HACD2: variants seen among roughly 807,000 people sequenced by gnomAD.
HACD2 encodes the protein very-long-chain (3R)-3-hydroxyacyl-CoA dehydratase 2.
HACD2 carries 15 observed loss-of-function variants against 31.0 expected under a neutral mutation model. The ratio of observed to expected loss-of-function variants is 0.48; its 90% CI spans 0.32 to 0.75. The LOEUF (loss-of-function observed/expected upper bound fraction) is 0.75. Ranked by LOEUF, HACD2 falls within the 30% of genes least tolerant of loss-of-function variation. The pLI is 0.03. For synonymous variants in HACD2, 115 were observed against 122.2 expected (o/e 0.94, Z 0.39); for missense variants, 283 against 313.0 (o/e 0.90, Z 0.72).
intron 3 of HACD2, chr3:123,543,656 T>C (rs1377376560): frequency 1.2e-5 from 5 of 413,566 alleles, no homozygotes; most frequent in Admixed American, 3.1e-5. Flanking sequence ...AAAATGATTA[T>C]ATTAAAGGAA....
chr3:123,516,617 T>G (rs2056141452), intron 4 of HACD2, among the ~76,000 whole-genome samples: 1 of 152,216 alleles, frequency 6.6e-6, no homozygotes, highest in South Asian at 2.1e-4. Context: ...GAGAACTATT[T>G]TTTTGATGTG....
At chr3:123,501,693 G>C (rs1249271702) in intron 5 of HACD2, among the ~76,000 whole-genome samples, 1 of 152,206 alleles carries the variant, frequency 6.6e-6, no homozygotes, top group Non-Finnish European at 1.5e-5. Context: ...AGGGTAAAAA[G>C]CTTCCACAGT....
At chr3:123,536,269 A>G (rs1319855751) in intron 3 of HACD2, among the ~76,000 whole-genome samples, 2 of 152,214 alleles carry the variant, frequency 1.3e-5, no homozygotes, top group Admixed American at 6.5e-5. Context: ...CAAATCCTTA[A>G]ATTGTAGCTC....
At chr3:123,548,565 A>AACT (rs1053814911) in intron 3 of HACD2, among the ~76,000 whole-genome samples, 3 of 152,154 alleles carry the variant, frequency 2.0e-5, no homozygotes, top group Admixed American at 6.5e-5. Flanking sequence ...ATCAATAGAA[A>AACT]ACTACTACTA....
rs1380525753 is a variant in HACD2, at chr3:123,492,850, T to C, written c.*2038A>G. 6.6e-6 allele frequency: 1 copy of C among 152,176 alleles called. No individual in the cohort carries two copies. Among genetic ancestry groups the C allele is most frequent in the Non-Finnish European group, 1.5e-5 (1 of 68,020 alleles). 9.4% of individuals were successfully genotyped at this position (152,176 alleles called of 1,614,324 possible). ...ATTCTATTTTATAGTAGAAATACAT[T>C]ATGGAAGAATAAAATGAGAGAAAAG... On this transcript the variant is annotated 3_prime_UTR_variant, in exon 7 of 7. Coordinates refer to ENST00000383657, the MANE Select transcript of HACD2 (RefSeq NM_198402.5).
At position 123,504,192 on chromosome 3, in the gene HACD2, A is replaced by G. The variant is rs80036909; in HGVS notation, c.382-1511T>C. 9.7e-3 allele frequency among the ~76,000 whole-genome samples: 1,471 copies of G among 152,312 alleles called. 19 individuals are homozygous for G. The highest frequency in any genetic ancestry group is 0.033 in the African/African-American group (1,377 of 41,558). ...GAATCCATCTATAACAAAATATAAT[A>G]TAAATATAAAAGCACACTTTGCTTT... On this transcript the variant is annotated intron_variant, in intron 4 of 6. Coordinates refer to ENST00000383657, the MANE Select transcript of HACD2 (RefSeq NM_198402.5).
chr3:123,577,577 C>T (rs1231296585), intron 2 of HACD2, among the ~76,000 whole-genome samples: 1 of 148,428 alleles, frequency 6.7e-6, no homozygotes, highest in Admixed American at 6.7e-5. Flanking sequence ...GCCGAGATCG[C>T]GCCACTGCAC....
chr3:123,528,626 A>G (rs2056314092), intron 3 of HACD2, among the ~76,000 whole-genome samples, 152 bp from the exon 4 acceptor site: 1 of 152,212 alleles, frequency 6.6e-6, no homozygotes, highest in Non-Finnish European at 1.5e-5. Context: ...CTAAGTTTTC[A>G]ATGTAGTCCA....
intron 3 of HACD2, among the ~76,000 whole-genome samples, chr3:123,544,940 G>A (rs547902781): frequency 6.6e-6 from 1 of 151,028 alleles, no homozygotes; most frequent in Admixed American, 6.6e-5. Context: ...AGCATGTGGT[G>A]GTGCATGCTT....
At chr3:123,569,885 A>T (rs978129327) in intron 2 of HACD2, among the ~76,000 whole-genome samples, 7 of 151,142 alleles carry the variant, frequency 4.6e-5, no homozygotes, top group Admixed American at 4.0e-4. Flanking sequence ...GCTACTCAGA[A>T]GGCTGAGGCA....
chr3:123,577,055 G>A (rs968587379), intron 2 of HACD2, among the ~76,000 whole-genome samples: 9 of 152,112 alleles, frequency 5.9e-5, no homozygotes, highest in African/African-American at 1.2e-4. Context: ...TCCAGGACAC[G>A]ATCAGAAATG....
chr3:123,584,864 C>T lies in HACD2; in HGVS notation c.155+9G>A. ...GCTGGCTCCCCGCCTCCCCGAGCCC[C>T]AGCCTCACCCGGCTGTCATCACCAC... On this transcript the variant is annotated intron_variant, in intron 1 of 6. Coordinates refer to ENST00000383657, the MANE Select transcript of HACD2 (RefSeq NM_198402.5). 1 of 1,496,650 alleles carries T rather than the reference C, an allele frequency of 6.7e-7. No homozygotes were observed. Among genetic ancestry groups the T allele is most frequent in the Non-Finnish European group, 8.9e-7 (1 of 1,123,358 alleles). 92.7% of individuals were successfully genotyped at this position (1,496,650 alleles called of 1,614,324 possible). A position where few individuals can be genotyped will look rare whatever the true frequency, so the allele number is the denominator to read the frequency against.
intron 4 of HACD2, among the ~76,000 whole-genome samples, chr3:123,521,700 C>T (rs1245717951): frequency 1.3e-5 from 2 of 151,544 alleles, no homozygotes; most frequent in Non-Finnish European, 2.9e-5. Flanking sequence ...GGAGGTGAGC[C>T]CAGAGCAGAA....
At chr3:123,557,863 G>A (rs1409596953) in intron 3 of HACD2, among the ~76,000 whole-genome samples, 1 of 152,198 alleles carries the variant, frequency 6.6e-6, no homozygotes, top group African/African-American at 2.4e-5. Flanking sequence ...TTAGAAGACT[G>A]TTTGGCAGAT....
chr3:123,572,100 A>T (rs748695078), intron 2 of HACD2, among the ~76,000 whole-genome samples: 3 of 152,202 alleles, frequency 2.0e-5, no homozygotes, highest in Non-Finnish European at 4.4e-5. Context: ...GAAGTGGTGA[A>T]GTGAAGTGGT....
At chr3:123,500,964 A>T (rs1442303682) in intron 5 of HACD2, among the ~76,000 whole-genome samples, 4 of 152,176 alleles carry the variant, frequency 2.6e-5, no homozygotes, top group Non-Finnish European at 5.9e-5. Flanking sequence ...CTTCAAAATT[A>T]TGCTCTAAAA....
At chr3:123,574,163 ATCAT>A (rs1484507775) in intron 2 of HACD2, among the ~76,000 whole-genome samples, 1 of 152,202 alleles carries the variant, frequency 6.6e-6, no homozygotes, top group Non-Finnish European at 1.5e-5. Flanking sequence ...TGTTCAGATA[ATCAT>A]TCATTCATCA....
intron 3 of HACD2, among the ~76,000 whole-genome samples, chr3:123,542,623 C>T (rs188991906): frequency 6.6e-6 from 1 of 152,260 alleles, no homozygotes; most frequent in Admixed American, 6.5e-5. Flanking sequence ...GTGTATATAT[C>T]GACACAGACA....
At chr3:123,533,081 G>A (rs965120073) in intron 3 of HACD2, among the ~76,000 whole-genome samples, 7 of 152,152 alleles carry the variant, frequency 4.6e-5, no homozygotes, top group Non-Finnish European at 7.4e-5. Flanking sequence ...GCATACTATA[G>A]TGTGATATTT....
Sources: allele counts gnomAD v4.1 joint callset (sites outside exome capture counted in the v4.1 genomes callset), GRCh38; gene constraint gnomAD v4.1.1; transcripts MANE v1.5; gene names NCBI Gene and HGNC (gene_info 2026-07-23, HGNC 2026-07-21).